SYN3: variants seen among roughly 807,000 people sequenced by gnomAD.
SYN3 encodes the protein synapsin III, also known as synapsin-3.
In SYN3, 35 loss-of-function variants were observed where a neutral mutation model predicts 65.8. That is an observed-to-expected ratio of 0.53 (90% CI 0.41 to 0.70). SYN3 has a LOEUF of 0.70. SYN3 is among the 30% of genes least tolerant of loss of function. SYN3 has a pLI of 0.00. For synonymous variants in SYN3, 270 were observed against 292.9 expected, an observed-to-expected ratio of 0.92 and a Z score of 0.80; for missense variants, 680 against 749.0, an observed-to-expected ratio of 0.91 and a Z score of 1.08.
At chr22:32,535,052 C>T (rs1036074905) in intron 9 of SYN3, among the ~76,000 whole-genome samples, 4 of 152,146 alleles carry the variant, frequency 2.6e-5, no homozygotes, top group Non-Finnish European at 5.9e-5. Flanking sequence ...CTCCTCATTC[C>T]CTCGAATCCC....
At chr22:32,959,427 T>C (rs757748783) in intron 3 of SYN3, among the ~76,000 whole-genome samples, 1 of 151,968 alleles carries the variant, frequency 6.6e-6, no homozygotes, top group Admixed American at 6.6e-5. Flanking sequence ...GGTGCACGCC[T>C]GTAATCTCAG....
In SYN3 at chr22:32,806,714, G is replaced by A. The variant is rs189213172; in HGVS notation, c.711+58201C>T. ...TATATTTTAAAAGCTACAAGTATAT[G>A]AATACATTCTATGTCCATGTATGTA... On this transcript the variant is annotated intron_variant, in intron 6 of 13. Transcript: ENST00000358763. Among the ~76,000 whole-genome samples, 105 of 152,262 alleles carry A rather than the reference G, an allele frequency of 6.9e-4. No homozygotes were observed. The East Asian group carries it at 0.013, about 19-fold the overall frequency.
intron 6 of SYN3, among the ~76,000 whole-genome samples, chr22:32,755,956 C>A (rs751009462): frequency 1.3e-5 from 2 of 150,768 alleles, no homozygotes; most frequent in African/African-American, 4.9e-5. Flanking sequence ...TCATTCTCAG[C>A]AAACTAACAC....
chr22:33,032,556 G>A (rs1250860904), intron 1 of SYN3, among the ~76,000 whole-genome samples: 1 of 151,360 alleles, frequency 6.6e-6, no homozygotes, highest in African/African-American at 2.4e-5. Flanking sequence ...TTTAGTCTTT[G>A]TGACAATAAG....
chr22:32,884,680 C>T (rs961487867), intron 4 of SYN3, among the ~76,000 whole-genome samples: 2 of 152,128 alleles, frequency 1.3e-5, no homozygotes, highest in Admixed American at 6.6e-5. Flanking sequence ...GGAGACAGAC[C>T]ATCCTGGCCA....
At chr22:32,948,974 A>T (rs1195555428) in intron 3 of SYN3, among the ~76,000 whole-genome samples, 1 of 151,886 alleles carries the variant, frequency 6.6e-6, no homozygotes, top group Non-Finnish European at 1.5e-5. Flanking sequence ...GCTTGGGACC[A>T]GAAGTGTTTT....
At chr22:32,700,968 CCCTCGTTAACT>C (rs1456180138) in intron 6 of SYN3, among the ~76,000 whole-genome samples, 2 of 152,220 alleles carry the variant, frequency 1.3e-5, no homozygotes, top group African/African-American at 4.8e-5. Flanking sequence ...AACTACTTCT[CCCTCGTTAACT>C]CCTCATATTC....
intron 6 of SYN3, among the ~76,000 whole-genome samples, chr22:32,602,841 T>TTCA (rs1480570264): frequency 6.6e-6 from 1 of 152,216 alleles, no homozygotes; most frequent in African/African-American, 2.4e-5. Context: ...ATTTGTGTTA[T>TTCA]TCATTCTCTC....
intron 1 of SYN3, among the ~76,000 whole-genome samples, chr22:33,026,469 G>C (rs2053642413): frequency 6.6e-6 from 1 of 152,048 alleles, no homozygotes; most frequent in African/African-American, 2.4e-5. Flanking sequence ...ATGTCCAATG[G>C]TACCCTGGGC....
intron 4 of SYN3, among the ~76,000 whole-genome samples, chr22:32,879,010 G>T (rs2049054215): frequency 6.6e-6 from 1 of 151,968 alleles, no homozygotes; most frequent in African/African-American, 2.4e-5. Context: ...AAAAATTTTT[G>T]AAAATCACTA....
In SYN3 at chr22:32,930,376, C is replaced by G. The variant is rs1423971738; in HGVS notation, c.461+1014G>C. On this transcript the variant is annotated intron_variant, in intron 4 of 13. Transcript: ENST00000358763. ...TCAGGTAAGATATGCCTTTCACCTT[C>G]CACCGTGATTGTGAGGCCTCCTCAG... 2.0e-5 allele frequency among the ~76,000 whole-genome samples: 3 copies of G among 152,194 alleles called. No individual in the cohort carries two copies. The East Asian group carries it at 5.8e-4, about 29-fold the overall frequency.
rs116346029 is a variant in SYN3, at chr22:32,880,948, C to T, written c.462-11823G>A. Among the ~76,000 whole-genome samples the T allele has an allele frequency of 9.2e-3, 1,404 of 152,312 alleles. 19 individuals are homozygous for T. The highest frequency in any genetic ancestry group is 0.032 in the African/African-American group (1,319 of 41,576). The stretch of plus-strand genomic sequence containing the variant: ...AAGGCTGAGTTTGTGAGCTGCAGCT[C>T]GCCAGGGCAATGGGGCCTCAAGTGG... On this transcript the variant is annotated intron_variant, in intron 4 of 13. Coordinates refer to ENST00000358763, the MANE Select transcript of SYN3 (RefSeq NM_003490.4).
intron 6 of SYN3, among the ~76,000 whole-genome samples, chr22:32,693,900 T>C (rs1229736211): frequency 6.6e-6 from 1 of 152,176 alleles, no homozygotes; most frequent in African/African-American, 2.4e-5. Context: ...TATACTTTTA[T>C]TGAACATCTT....
intron 4 of SYN3, among the ~76,000 whole-genome samples, chr22:32,908,804 G>C (rs1601671329): frequency 6.6e-6 from 1 of 152,234 alleles, no homozygotes; most frequent in East Asian, 1.9e-4. Flanking sequence ...TAATACTATG[G>C]ATTTAGATGG....
intron 7 of SYN3, among the ~76,000 whole-genome samples, chr22:32,568,009 G>A (rs377690514): frequency 1.3e-5 from 2 of 152,160 alleles, no homozygotes; most frequent in South Asian, 2.1e-4. Flanking sequence ...AGAAGGGACC[G>A]GACGGTCACA....
chr22:32,655,164 T>C (rs2060125585), intron 6 of SYN3, among the ~76,000 whole-genome samples: 1 of 152,188 alleles, frequency 6.6e-6, no homozygotes, highest in South Asian at 2.1e-4. Flanking sequence ...CCATGTCTCA[T>C]GCTATGTGAA....
At chr22:32,787,204 C>T (rs1484497085) in intron 6 of SYN3, among the ~76,000 whole-genome samples, 1 of 151,962 alleles carries the variant, frequency 6.6e-6, no homozygotes, top group East Asian at 1.9e-4. Context: ...CGTGCCACCA[C>T]ACCCGGCTAA....
At chr22:32,760,409 G>A (rs1327843542) in intron 6 of SYN3, among the ~76,000 whole-genome samples, 10 of 151,942 alleles carry the variant, frequency 6.6e-5, no homozygotes, top group Non-Finnish European at 1.5e-4. Flanking sequence ...TCTCGTTCTC[G>A]AAGTGGGATG....
chr22:32,596,502 G>A (rs774546554), intron 7 of SYN3, among the ~76,000 whole-genome samples, 172 bp downstream of exon 7: 7 of 152,194 alleles, frequency 4.6e-5, no homozygotes, highest in Non-Finnish European at 5.9e-5. Flanking sequence ...TGCACCAGGA[G>A]CTCTGAGGAA....
Sources: gnomAD v4.1 joint callset for allele counts (sites outside exome capture counted in the v4.1 genomes callset) on GRCh38, gnomAD v4.1.1 for gene constraint, MANE v1.5 for transcripts, NCBI Gene and HGNC (gene_info 2026-07-23, HGNC 2026-07-21) for gene names.